The following ULK4 variants were observed in gnomAD, a reference collection of about 807,000 sequenced individuals.
ULK4 encodes the protein unc-51 like kinase 4.
A neutral mutation model predicts 160.6 loss-of-function variants in ULK4; 133 were observed. That is an observed-to-expected ratio of 0.83 (90% CI 0.72 to 0.96). ULK4 has a LOEUF of 0.96. ULK4 is among the 40% of genes least tolerant of loss of function. ULK4 has a pLI of 0.00. For synonymous variants in ULK4, 534 were observed against 539.8 expected (o/e 0.99, Z 0.15); for missense variants, 1,580 against 1,499.5 (o/e 1.05, Z -0.89).
intron 32 of ULK4, among the ~76,000 whole-genome samples, chr3:41,548,070 C>T (rs2086926038): frequency 6.6e-6 from 1 of 152,138 alleles, no homozygotes; most frequent in African/African-American, 2.4e-5. Context: ...GATACCAACC[C>T]AGGACTTGAG....
At chr3:41,446,203 A>G (rs9858040) in intron 34 of ULK4, among the ~76,000 whole-genome samples, 80,369 of 151,676 alleles carry the variant, frequency 0.53, 21,705 homozygotes, top group East Asian at 0.69. Flanking sequence ...TTAGAATGGC[A>G]ATCATTAAAA....
chr3:41,572,635 G>A (rs1326840216), intron 31 of ULK4, among the ~76,000 whole-genome samples: 6 of 151,372 alleles, frequency 4.0e-5, no homozygotes, highest in African/African-American at 9.7e-5. Flanking sequence ...TCATGGTGGC[G>A]GGTGCCTGTA....
intron 30 of ULK4, among the ~76,000 whole-genome samples, chr3:41,650,128 G>T (rs1575528805): frequency 6.6e-6 from 1 of 152,132 alleles, no homozygotes; most frequent in Non-Finnish European, 1.5e-5. Context: ...CTGTGGAGAG[G>T]AGCTACCCAC....
chr3:41,423,556 T>C (rs191620884), intron 34 of ULK4, among the ~76,000 whole-genome samples: 2 of 152,172 alleles, frequency 1.3e-5, no homozygotes, highest in South Asian at 2.1e-4. Flanking sequence ...TTTTTGGTTA[T>C]AAGATTCAAA....
intron 17 of ULK4, among the ~76,000 whole-genome samples, chr3:41,861,555 T>C (rs2042496941): frequency 6.6e-6 from 1 of 152,194 alleles, no homozygotes; most frequent in Non-Finnish European, 1.5e-5. Flanking sequence ...TTCTTTTCTC[T>C]TGCTGCTTGT....
chr3:41,919,551 G>A (rs191605349), intron 6 of ULK4, among the ~76,000 whole-genome samples, 166 bp downstream of exon 6: 5 of 152,282 alleles, frequency 3.3e-5, no homozygotes, highest in East Asian at 1.9e-4. Flanking sequence ...GTAGTGAGCC[G>A]AGATCGTGCC....
intron 34 of ULK4, among the ~76,000 whole-genome samples, chr3:41,430,405 T>C (rs1362353307): frequency 2.6e-5 from 4 of 152,218 alleles, no homozygotes; most frequent in African/African-American, 7.2e-5. Context: ...AGTTTTACAC[T>C]ATAGGACTTG....
At chr3:41,484,454 T>C (rs1476443459) in intron 32 of ULK4, among the ~76,000 whole-genome samples, 3 of 126,938 alleles carry the variant, frequency 2.4e-5, no homozygotes, top group Non-Finnish European at 5.3e-5. Flanking sequence ...TTTTCTTTCT[T>C]TTCCTTTTTT....
At chr3:41,386,190 A>G (rs1476979584) in intron 35 of ULK4, among the ~76,000 whole-genome samples, 1 of 152,132 alleles carries the variant, frequency 6.6e-6, no homozygotes, top group Non-Finnish European at 1.5e-5. Context: ...GGATTTAGCT[A>G]TTATCTCAAT....
intron 30 of ULK4, among the ~76,000 whole-genome samples, chr3:41,660,750 C>A (rs2035125016): frequency 6.6e-6 from 1 of 152,122 alleles, no homozygotes; most frequent in Non-Finnish European, 1.5e-5. Flanking sequence ...TATTTTAACG[C>A]TGTTTTTCAA....
At chr3:41,560,228 G>C (rs1559394321) in intron 32 of ULK4, among the ~76,000 whole-genome samples, 1 of 152,140 alleles carries the variant, frequency 6.6e-6, no homozygotes, top group Non-Finnish European at 1.5e-5. Flanking sequence ...CTATATATCT[G>C]ATTTGGTACC....
At chr3:41,592,190 G>A (rs770307107) in intron 31 of ULK4, among the ~76,000 whole-genome samples, 2 of 152,120 alleles carry the variant, frequency 1.3e-5, no homozygotes, top group African/African-American at 2.4e-5. Context: ...CACCCTCACT[G>A]GGGAACCTGA....
chr3:41,455,490 C>CTCT lies in ULK4; in HGVS notation c.3492+4_3492+6dup. The CTCT allele has an allele frequency of 6.2e-7, 1 of 1,613,504 alleles. No homozygotes were observed. The highest frequency in any genetic ancestry group is 1.1e-5 in the South Asian group (1 of 91,038). ...ATGCCCCAAAAGACATACAGGTGAG[C>CTCT]TCTTACCAGTGGAATGAGCAGGCTA... On this transcript the variant is annotated splice_region_variant and intron_variant, in intron 34 of 36. Coordinates refer to ENST00000301831, the MANE Select transcript of ULK4 (RefSeq NM_017886.4).
intron 3 of ULK4, 79 bp from the exon 4 acceptor site, chr3:41,936,019 A>G: frequency 6.5e-7 from 1 of 1,541,710 alleles, no homozygotes; most frequent in Non-Finnish European, 8.8e-7. Context: ...ACGCTGACAG[A>G]TACGAACATT....
chr3:41,620,445 T>C (rs1367053546), intron 30 of ULK4, among the ~76,000 whole-genome samples: 1 of 152,238 alleles, frequency 6.6e-6, no homozygotes, highest in Non-Finnish European at 1.5e-5. Context: ...ATCCCTGGGA[T>C]GCAAGGCTGG....
intron 29 of ULK4, among the ~76,000 whole-genome samples, chr3:41,678,444 G>A (rs1451986308): frequency 6.6e-6 from 1 of 151,996 alleles, no homozygotes; most frequent in East Asian, 1.9e-4. Context: ...TCTCCACCAG[G>A]AACCATTTAA....
At chr3:41,387,444 A>G (rs2081843578) in intron 35 of ULK4, among the ~76,000 whole-genome samples, 1 of 152,000 alleles carries the variant, frequency 6.6e-6, no homozygotes, top group South Asian at 2.1e-4. Flanking sequence ...ACATATGTAT[A>G]CATGTGCCAT....
intron 22 of ULK4, among the ~76,000 whole-genome samples, chr3:41,749,622 G>A (rs1235264904): frequency 6.6e-6 from 1 of 152,168 alleles, no homozygotes; most frequent in African/African-American, 2.4e-5. Context: ...TTTTTGACAT[G>A]ATATTTTCAA....
chr3:41,282,148 A>G (rs1484549567), intron 35 of ULK4, among the ~76,000 whole-genome samples: 2 of 152,212 alleles, frequency 1.3e-5, no homozygotes, highest in African/African-American at 2.4e-5. Flanking sequence ...AATGAAAAAA[A>G]AGAGAACACA....
Sources: gnomAD v4.1 joint callset for allele counts (sites outside exome capture counted in the v4.1 genomes callset) on GRCh38, gnomAD v4.1.1 for gene constraint, MANE v1.5 for transcripts, NCBI Gene and HGNC (gene_info 2026-07-23, HGNC 2026-07-21) for gene names.